The following TASOR variants were observed in gnomAD, a reference collection of about 807,000 sequenced individuals.
The protein encoded by TASOR is protein TASOR.
Under a neutral mutation model 178.6 loss-of-function variants are expected in TASOR, and 53 were observed. The ratio of observed to expected loss-of-function variants is 0.30; its 90% CI spans 0.24 to 0.37. The LOEUF (loss-of-function observed/expected upper bound fraction) is 0.37, where lower values mean the gene tolerates loss of function less well. Ranked by LOEUF, TASOR falls within the 10% of genes least tolerant of loss-of-function variation. The pLI, the probability that TASOR is intolerant of heterozygous loss-of-function variation, is 1.00. For missense variants in TASOR, 1,815 were observed against 1,971.4 expected, an observed-to-expected ratio of 0.92 and a Z score of 1.50; for synonymous variants, 713 against 696.2, an observed-to-expected ratio of 1.02 and a Z score of -0.38.
chr3:56,623,661 G>T, intron 23 of TASOR, 95 bp from the exon 24 acceptor site: 1 of 1,542,136 alleles, frequency 6.5e-7, no homozygotes, highest in African/African-American at 1.4e-5. Flanking sequence ...AACGCGTCAG[G>T]GTCTGCAAGT....
Position 56,623,170 on chromosome 3 carries a change from G to C in TASOR, c.4880C>G (p.Ser1627Ter). The C allele has an allele frequency of 6.2e-7, 1 of 1,613,786 alleles. No individual in the cohort carries two copies. Among genetic ancestry groups the C allele is most frequent in the South Asian group, 1.1e-5 (1 of 91,066 alleles). The change falls in exon 24 of 24, where the codon TCA becomes TGA. Residue 1627 changes from serine (S) to a stop codon, truncating the protein, a stop_gained. Transcript: ENST00000683822. LOFTEE classifies it high-confidence loss of function. ...CTCATTTTCTTGAGACTGACTTGAT[G>C]AAAGGGCATATGGTGTCCCCAAAAA... The part of the protein sequence containing the change: ...QTFLGTPYAL[S>*]SSQSQENENY...
intron 2 of TASOR, among the ~76,000 whole-genome samples, chr3:56,673,010 C>A (rs1057088978): frequency 6.6e-6 from 1 of 151,896 alleles, no homozygotes; most frequent in African/African-American, 2.4e-5. Flanking sequence ...CGGGTTTTGC[C>A]ACGTTGGCCA....
At chr3:56,641,276 T>C (rs2077118422) in intron 15 of TASOR, 73 bp downstream of exon 15, 2 of 1,410,986 alleles carry the variant, frequency 1.4e-6, no homozygotes, top group Non-Finnish European at 1.9e-6. Flanking sequence ...AATCATTCCC[T>C]GAAGCATACT....
At chr3:56,650,581 G>A (rs962735241) in intron 11 of TASOR, among the ~76,000 whole-genome samples, 1 of 152,192 alleles carries the variant, frequency 6.6e-6, no homozygotes, top group Non-Finnish European at 1.5e-5. Context: ...TGGATTCCAT[G>A]AGGGTCAGTT....
intron 10 of TASOR, 26 bp downstream of exon 10, chr3:56,660,888 A>G (rs755731995): frequency 6.2e-7 from 1 of 1,607,012 alleles, no homozygotes; most frequent in South Asian, 1.1e-5. Context: ...CTTCTAATGC[A>G]TTTCAATAAA....
At chr3:56,632,885 G>A (rs2076945030) in intron 18 of TASOR, among the ~76,000 whole-genome samples, 159 bp downstream of exon 18, 1 of 152,056 alleles carries the variant, frequency 6.6e-6, no homozygotes, top group South Asian at 2.1e-4. Flanking sequence ...CAATCCTCCT[G>A]CCTCAGCCTC....
At position 56,624,611 on chromosome 3, in the gene TASOR, C is replaced by A; in HGVS notation, c.4351G>T (p.Asp1451Tyr). The A allele has an allele frequency of 6.2e-7, 1 of 1,613,448 alleles. No individual in the cohort carries two copies. The highest frequency in any genetic ancestry group is 8.5e-7 in the Non-Finnish European group (1 of 1,179,834). Residue 1451 changes from aspartate (D) to tyrosine (Y), a missense_variant, in exon 23 of 24, where the codon GAT (aspartate) becomes TAT (tyrosine). Coordinates refer to ENST00000683822, the MANE Select transcript of TASOR (RefSeq NM_001365635.2). ...KNIKMLSSYT[D>Y]NGIVVATAED... ...GCAGTTGCAACCACTATTCCATTAT[C>A]TGTATAACTGGAAAGCATCTTGATG... is the stretch of plus-strand genomic sequence containing the variant.
intron 5 of TASOR, among the ~76,000 whole-genome samples, chr3:56,669,169 G>A (rs1042133662): frequency 1.3e-5 from 2 of 151,864 alleles, no homozygotes; most frequent in African/African-American, 4.8e-5. Flanking sequence ...CCTTTCTTTG[G>A]AAAGGAAAAC....
rs551539282 is a variant in TASOR, at chr3:56,633,522, A to G, written c.3269T>C (p.Ile1090Thr). Residue 1090 changes from isoleucine (I) to threonine (T), a missense_variant, in exon 18 of 24, where the codon ATT becomes ACT. Physicochemically the swap from Ile to Thr is moderately conservative, Grantham distance 89 (BLOSUM62 -1). Coordinates refer to ENST00000683822, the MANE Select transcript of TASOR (RefSeq NM_001365635.2). The stretch of plus-strand genomic sequence containing the variant: ...ATTCCCACCCTTGGCTGATGCTTTA[A>G]TAATAATAGTATTTAGCTTCTCATG... ...GLHEKLNTIIIKASAKGGNLP... is the reference protein window; with the variant it reads ...GLHEKLNTIITKASAKGGNLP... 1.9e-6 allele frequency: 3 copies of G among 1,614,148 alleles called. No individual in the cohort carries two copies. The highest frequency in any genetic ancestry group is 3.3e-5 in the Admixed American group (2 of 60,018).
rs551705766 is a variant in TASOR, at chr3:56,676,514, G to T, written c.332-2789C>A. Among the ~76,000 whole-genome samples the T allele has an allele frequency of 2.4e-3, 366 of 152,130 alleles. 1 individual carries two copies. The highest frequency in any genetic ancestry group is 3.0e-3 in the Non-Finnish European group (204 of 68,032). On this transcript the variant is annotated intron_variant, in intron 1 of 23. Coordinates refer to ENST00000683822, the MANE Select transcript of TASOR (RefSeq NM_001365635.2). ...AAGCAGCATGTGGAGGTCTTTATAG[G>T]CTTTCACAACCAAAGTGGGCCAAGC...
chr3:56,682,209 GAC>G (rs1436210384), intron 1 of TASOR, among the ~76,000 whole-genome samples: 1 of 152,188 alleles, frequency 6.6e-6, no homozygotes, highest in African/African-American at 2.4e-5. Context: ...ATTTCAAGTA[GAC>G]ACACAGAACT....
rs2076732652 is a variant in TASOR, at chr3:56,623,465, A to G, written c.4585T>C (p.Trp1529Arg). Residue 1529 changes from tryptophan (W) to arginine (R), a missense_variant, in exon 24 of 24, where the codon TGG becomes CGG. Transcript: ENST00000683822. Reference sequence around the variant, plus strand: ...CGTGATCCTTTGGTCTCTTTCTCCCATATTTCTGAATGAAAATTGCTGCAT... The same window carrying G: ...CGTGATCCTTTGGTCTCTTTCTCCCGTATTTCTGAATGAAAATTGCTGCAT... ...EVCSNFHSEI[W>R]EKETKGSRGT... 8 of 1,613,296 alleles carry G rather than the reference A, an allele frequency of 5.0e-6. No individual in the cohort carries two copies. Among genetic ancestry groups the G allele is most frequent in the Middle Eastern group, 3.3e-4 (2 of 6,082 alleles).
chr3:56,636,700 T>G (rs942888195), intron 17 of TASOR, among the ~76,000 whole-genome samples: 1 of 151,336 alleles, frequency 6.6e-6, no homozygotes, highest in Non-Finnish European at 1.5e-5. Context: ...CGTGCTTTTT[T>G]AAAAAAAAAC....
At chr3:56,637,095 C>T (rs1180364280) in intron 17 of TASOR, among the ~76,000 whole-genome samples, 2 of 152,168 alleles carry the variant, frequency 1.3e-5, no homozygotes, top group African/African-American at 4.8e-5. Context: ...CATGAGTAGG[C>T]TCTATTTATC....
rs2029965869 is a variant in TASOR, at chr3:56,666,346, T to C, written c.936A>G (p.Arg312=). 1 of 1,541,414 alleles carries C rather than the reference T, an allele frequency of 6.5e-7. No individual in the cohort carries two copies. Among genetic ancestry groups the C allele is most frequent in the Non-Finnish European group, 8.7e-7 (1 of 1,143,054 alleles). The part of the protein sequence containing the change: ...FYEYGFDELR[R]RPRHVCPYAV... Reference sequence around the variant, plus strand: ...CATATGGACAAACGTGTCTTGGTCTTCGCCTTAGCTCATCAAAGCCATACT... The same window carrying C: ...CATATGGACAAACGTGTCTTGGTCTCCGCCTTAGCTCATCAAAGCCATACT... The change falls in exon 7 of 24, where the codon CGA becomes CGG. Residue 312 remains arginine (R), a synonymous_variant. Coordinates refer to ENST00000683822, the MANE Select transcript of TASOR (RefSeq NM_001365635.2).
chr3:56,625,424 G>A (rs536128514), intron 21 of TASOR, among the ~76,000 whole-genome samples: 1 of 152,266 alleles, frequency 6.6e-6, no homozygotes, highest in Non-Finnish European at 1.5e-5. Flanking sequence ...AAAGCAGTTG[G>A]ATCACCTGAG....
chr3:56,654,065 G>T (rs1161398883), intron 11 of TASOR, among the ~76,000 whole-genome samples: 1 of 152,142 alleles, frequency 6.6e-6, no homozygotes, highest in African/African-American at 2.4e-5. Flanking sequence ...CCAGGAGTTT[G>T]AGACCAATCT....
intron 18 of TASOR, among the ~76,000 whole-genome samples, chr3:56,632,347 C>T (rs1376207346): frequency 6.6e-5 from 10 of 151,870 alleles, no homozygotes; most frequent in Non-Finnish European, 1.3e-4. Context: ...TGGTGTGGCA[C>T]GCCTGTAATC....
rs139767461 is a variant in TASOR, at chr3:56,633,697, T to C, written c.3094A>G (p.Ile1032Val). 1.0e-4 allele frequency: 162 copies of C among 1,614,044 alleles called. No individual in the cohort carries two copies. Among genetic ancestry groups the C allele is most frequent in the Middle Eastern group, 4.9e-4 (3 of 6,084 alleles). The change falls in exon 18 of 24, where the codon ATA (isoleucine) becomes GTA (valine). Residue 1032 changes from isoleucine to valine, a missense_variant. This residue lies in a region of TASOR where 655 missense variants were observed against 671.1 expected (regional missense o/e 0.98). Coordinates refer to ENST00000683822, the MANE Select transcript of TASOR (RefSeq NM_001365635.2). ...TTCTTTTGCTTCAAAATCTCTTCTA[T>C]CTTCCTAGAAAAGAGATTGTACTCT... ...LGEYNLFSRK[I>V]EEILKQKNVS...
Sources: allele counts gnomAD v4.1 joint callset (sites outside exome capture counted in the v4.1 genomes callset), GRCh38; gene constraint gnomAD v4.1.1; regional missense constraint gnomAD v4.1.1; transcripts MANE v1.5; gene names NCBI Gene and HGNC (gene_info 2026-07-23, HGNC 2026-07-21).